CCDC17: variants seen among roughly 807,000 people sequenced by gnomAD.
CCDC17 encodes coiled-coil domain containing 17.
A neutral mutation model predicts 68.0 loss-of-function variants in CCDC17; 79 were observed. That is an observed-to-expected ratio of 1.16 (90% confidence interval 0.97 to 1.40). The LOEUF (loss-of-function observed/expected upper bound fraction) is 1.40, where lower values mean the gene tolerates loss of function less well. CCDC17 is among the 40% of genes most tolerant of loss of function. CCDC17 has a pLI of 0.00. For synonymous variants in CCDC17, 376 were observed against 337.5 expected, an observed-to-expected ratio of 1.11 and a Z score of -1.25; for missense variants, 846 against 811.5, an observed-to-expected ratio of 1.04 and a Z score of -0.52.
Position 45,622,328 on chromosome 1 carries a change from C to T in CCDC17, c.880G>A (p.Gly294Arg), listed in dbSNP as rs769445355. 11 of 1,608,372 alleles carry T rather than the reference C, an allele frequency of 6.8e-6. No individual in the cohort carries two copies. The highest frequency in any genetic ancestry group is 8.5e-6 in the Non-Finnish European group (10 of 1,178,262). The change falls in exon 7 of 13, where the codon GGG (glycine) becomes AGG (arginine). Residue 294 changes from glycine to arginine, a missense_variant. Transcript: ENST00000528266. ...TRRGRAGATSGELPVVEAENR... is the reference protein window; with the variant it reads ...TRRGRAGATSRELPVVEAENR... ...TCAGCCTCCACTACTGGAAGCTCCC[C>T]TGAGGTGGCACCTGCCCTTCCTGCG...
chr1:45,620,313 G>A lies in CCDC17; in HGVS notation c.1831C>T (p.Pro611Ser), dbSNP rs759876257. The A allele has an allele frequency of 6.2e-7, 1 of 1,609,230 alleles. No individual in the cohort carries two copies. Among genetic ancestry groups the A allele is most frequent in the Non-Finnish European group, 8.5e-7 (1 of 1,178,566 alleles). ...GGGGGCAAGTCAGAACTGTGGTGAG[G>A]GCCCAAACCCTCATCTCTATCCTTG... ...GVKDRDEGLG[P>S]HHSSDLPPVS... The change falls in exon 13 of 13, where the codon CCT becomes TCT. Residue 611 changes from proline to serine, a missense_variant. Pro to Ser is a moderately conservative substitution (Grantham distance 74). Coordinates refer to ENST00000528266, the MANE Select transcript of CCDC17 (RefSeq NM_001114938.3).
intron 7 of CCDC17, 56 bp downstream of exon 7, chr1:45,622,185 C>T: frequency 1.3e-6 from 2 of 1,514,288 alleles, no homozygotes; most frequent in Non-Finnish European, 1.8e-6. Flanking sequence ...TCTGCCTGAG[C>T]CAGGCCTGCT....
At chr1:45,622,387 G>C in intron 6 of CCDC17, 39 bp from the exon 7 acceptor site, 1 of 1,572,452 alleles carries the variant, frequency 6.4e-7, no homozygotes, top group Admixed American at 1.9e-5. Context: ...TTTGACCTCT[G>C]GTGACTGGCC....
chr1:45,621,384 C>T lies in CCDC17; in HGVS notation c.1285G>A (p.Gly429Arg). The T allele has an allele frequency of 1.9e-6, 3 of 1,594,902 alleles. No individual in the cohort carries two copies. Among genetic ancestry groups the T allele is most frequent in the Non-Finnish European group, 1.7e-6 (2 of 1,171,216 alleles). ...TGLARDGRDT[G>R]RTTALPPALC... ...GCTGGGGGCAACGCTGTGGTCCTTC[C>T]TGTATCCCGTCCATCGCGTGCCAAG... Residue 429 changes from glycine (G) to arginine (R), a missense_variant, in exon 10 of 13, where the codon GGA becomes AGA. Coordinates refer to ENST00000528266, the MANE Select transcript of CCDC17 (RefSeq NM_001114938.3).
rs955276327 is a variant in CCDC17, at chr1:45,623,880, G to T, written c.30C>A (p.Leu10=). MDSHSGEPA[L]LPCGTCDMVF... Reference sequence around the variant, plus strand: ...CCATGTCACAGGTCCCACAGGGCAGGAGCGCAGGCTCCCCAGAGTGGGAGT... The same window carrying T: ...CCATGTCACAGGTCCCACAGGGCAGTAGCGCAGGCTCCCCAGAGTGGGAGT... Residue 10 remains leucine, a synonymous_variant, in exon 1 of 13, where the codon CTC becomes CTA. Transcript: ENST00000528266. The T allele has an allele frequency of 6.5e-7, 1 of 1,539,626 alleles. No individual in the cohort carries two copies. The highest frequency in any genetic ancestry group is 2.0e-5 in the Admixed American group (1 of 48,792).
rs375531461 is a variant in CCDC17, at chr1:45,621,691, T to A, written c.1131A>T (p.Ser377=). The A allele has an allele frequency of 1.2e-6, 2 of 1,613,566 alleles. No homozygotes were observed. The highest frequency in any genetic ancestry group is 2.7e-5 in the African/African-American group (2 of 74,862). Residue 377 remains serine (S), a synonymous_variant, in exon 9 of 13, where the codon TCA becomes TCT. Transcript: ENST00000528266. ...TGTCCGATGTGGGCAGGAGGAAGTGTGAGTCCAGGCCCAGGTTTCTGGTCA... is the reference window on the plus strand; with the variant it reads ...TGTCCGATGTGGGCAGGAGGAAGTGAGAGTCCAGGCCCAGGTTTCTGGTCA... ...GTMTRNLGLD[S]HFLLPTSDML...
In CCDC17 at chr1:45,620,335, C is replaced by T. The variant is rs757263429; in HGVS notation, c.1809G>A (p.Lys603=). 1.2e-6 allele frequency: 2 copies of T among 1,609,060 alleles called. No individual in the cohort carries two copies. Among genetic ancestry groups the T allele is most frequent in the Non-Finnish European group, 1.7e-6 (2 of 1,178,324 alleles). ...GAGGGCCCAAACCCTCATCTCTATC[C>T]TTGACTCCACTGAGGGGCTCTTCTG... The part of the protein sequence containing the change: ...PRTEEPLSGV[K]DRDEGLGPHH... Residue 603 remains lysine, a synonymous_variant, in exon 13 of 13, where the codon AAG becomes AAA. Transcript: ENST00000528266.
rs1159686242 is a variant in CCDC17 at position 45,621,369 on chromosome 1, A to ACGCTGTGGTCCTTCCTGTAT, written c.1280_1299dup (p.Leu434IlefsTer56). 6.3e-7 allele frequency: 1 copy of ACGCTGTGGTCCTTCCTGTAT among 1,591,324 alleles called. No individual in the cohort carries two copies. The highest frequency in any genetic ancestry group is 8.6e-7 in the Non-Finnish European group (1 of 1,169,124). ...GGGGGCAGGCAAAGGGCTGGGGGCAACGCTGTGGTCCTTCCTGTATCCCGT... is the reference window on the plus strand; with the variant it reads ...GGGGGCAGGCAAAGGGCTGGGGGCAACGCTGTGGTCCTTCCTGTATCGCTGTGGTCCTTCCTGTATCCCGT... On this transcript the variant is annotated frameshift_variant, in exon 10 of 13. Transcript: ENST00000528266. LOFTEE classifies it high-confidence loss of function.
chr1:45,621,776 C>T (rs369312257), intron 8 of CCDC17, 41 bp from the exon 9 acceptor site: 433 of 1,608,452 alleles, frequency 2.7e-4, no homozygotes, highest in Non-Finnish European at 3.3e-4. Context: ...AGCCTTGTAG[C>T]TGCTCATGTT....
intron 10 of CCDC17, 62 bp downstream of exon 10, chr1:45,621,219 C>G (rs1644242904): frequency 2.6e-6 from 4 of 1,542,436 alleles, no homozygotes; most frequent in Non-Finnish European, 3.5e-6. Context: ...GAAAACTTAG[C>G]AGAATGGTGG....
Position 45,623,308 on chromosome 1 carries a change from G to A in CCDC17, c.402C>T (p.Pro134=). ...TGAACAGCGCCCGCAGCCGCTCGCT[G>A]GGGCTTCCCACCGCCTCGGACATGG... ...QSPMSEAVGS[P]SERLRALFRT... Residue 134 remains proline (P), a synonymous_variant, in exon 3 of 13, where the codon CCC becomes CCT. Transcript: ENST00000528266. 2 of 1,549,838 alleles carry A rather than the reference G, an allele frequency of 1.3e-6. No individual in the cohort carries two copies. Among genetic ancestry groups the A allele is most frequent in the African/African-American group, 1.4e-5 (1 of 73,164 alleles).
chr1:45,621,754 ACTC>A lies in CCDC17; in HGVS notation c.1087-22_1087-20del, dbSNP rs1325259967. 1 of 1,611,874 alleles carries A rather than the reference ACTC, an allele frequency of 6.2e-7. No homozygotes were observed. The highest frequency in any genetic ancestry group is 1.7e-5 in the Admixed American group (1 of 59,674). Reference sequence around the variant, plus strand: ...GCTGTGGCTGTGGGGAAGAGAGCTGACTCCTCCAGAAAGCCTTGTAGCTGCTCA... The same window carrying A: ...GCTGTGGCTGTGGGGAAGAGAGCTGACTCCAGAAAGCCTTGTAGCTGCTCA... On this transcript the variant is annotated intron_variant, in intron 8 of 12. Coordinates refer to ENST00000528266, the MANE Select transcript of CCDC17 (RefSeq NM_001114938.3).
rs1181051332 is a variant in CCDC17, at chr1:45,621,357, G to C, written c.1312C>G (p.Leu438Val). The change falls in exon 10 of 13, where the codon CTT becomes GTT. Residue 438 changes from leucine (L) to valine (V), a missense_variant. Leu to Val is a conservative substitution (Grantham distance 32, BLOSUM62 1). Coordinates refer to ENST00000528266, the MANE Select transcript of CCDC17 (RefSeq NM_001114938.3). ...TGRTTALPPA[L>V]CLPPPPAPGP... ...GGAGCAGGAGGTGGGGGCAGGCAAA[G>C]GGCTGGGGGCAACGCTGTGGTCCTT... The C allele has an allele frequency of 6.3e-7, 1 of 1,590,518 alleles. No individual in the cohort carries two copies. Among genetic ancestry groups the C allele is most frequent in the East Asian group, 2.3e-5 (1 of 43,812 alleles).
rs1181174823 is a variant in CCDC17, at chr1:45,620,164, GCTAGATGCTT to G, written c.*101_*110del. On this transcript the variant is annotated 3_prime_UTR_variant, in exon 13 of 13. Transcript: ENST00000528266. ...TGGAACTGGTTTTCTGTACTCAACT[GCTAGATGCTT>G]CTAGACCCAATGTCAGAACATGGAG... The G allele has an allele frequency of 7.9e-7, 1 of 1,262,778 alleles. No individual in the cohort carries two copies. The highest frequency in any genetic ancestry group is 1.5e-5 in the African/African-American group (1 of 64,886). The allele number at this position is 1,262,778 out of a possible 1,614,324, so 78.2% of individuals were successfully genotyped here.
Position 45,623,580 on chromosome 1 carries a change from C to A in CCDC17, c.247G>T (p.Ala83Ser). Reference protein sequence around the residue: ...GLPDQQASRSALKRLTEEVQW... With the variant: ...GLPDQQASRSSLKRLTEEVQW... ...ACCTCCTCTGTTAACCTCTTTAGAGCAGATCTACTGGCCTGCTGGTCTGGG... is the reference window on the plus strand; with the variant it reads ...ACCTCCTCTGTTAACCTCTTTAGAGAAGATCTACTGGCCTGCTGGTCTGGG... Residue 83 changes from alanine (A) to serine (S), a missense_variant, in exon 2 of 13, where the codon GCT (alanine) becomes TCT (serine). Coordinates refer to ENST00000528266, the MANE Select transcript of CCDC17 (RefSeq NM_001114938.3). 1.3e-6 allele frequency: 2 copies of A among 1,550,282 alleles called. No homozygotes were observed. The highest frequency in any genetic ancestry group is 1.7e-6 in the Non-Finnish European group (2 of 1,146,858).
At chr1:45,623,184 A>T in intron 3 of CCDC17, 33 bp downstream of exon 3, 1 of 1,540,436 alleles carries the variant, frequency 6.5e-7, no homozygotes, top group Non-Finnish European at 8.8e-7. Flanking sequence ...AGGGCAGAGG[A>T]GGTCCTTGGT....
In CCDC17 at chr1:45,621,424, C is replaced by G; in HGVS notation, c.1245G>C (p.Val415=). The G allele has an allele frequency of 6.3e-7, 1 of 1,598,058 alleles. No homozygotes were observed. The highest frequency in any genetic ancestry group is 1.1e-5 in the South Asian group (1 of 88,106). ...CGCGTGCCAAGCCAGTCCTTAGTTG[C>G]ACCCAAATCCAGGAAGCCTCAAGGC... is the stretch of plus-strand genomic sequence containing the variant. ...LRGLEASWIW[V]QLRTGLARDG... is the part of the protein sequence containing the mutation. The change falls in exon 10 of 13, where the codon GTG becomes GTC. Residue 415 remains valine (V), a synonymous_variant. Coordinates refer to ENST00000528266, the MANE Select transcript of CCDC17 (RefSeq NM_001114938.3).
Position 45,622,935 on chromosome 1 carries a change from T to C in CCDC17, c.656+20A>G, listed in dbSNP as rs1026315710. 6.3e-7 allele frequency: 1 copy of C among 1,590,912 alleles called. No homozygotes were observed. The highest frequency in any genetic ancestry group is 8.6e-7 in the Non-Finnish European group (1 of 1,167,908). On this transcript the variant is annotated intron_variant, in intron 4 of 12. Transcript: ENST00000528266. ...ACCCCGGAGCCGCATGTTCCGGGGA[T>C]CCGCTTAGTCGGGTCTCACCCTGGC...
At position 45,623,655 on chromosome 1, in the gene CCDC17, G is replaced by C; in HGVS notation, c.175-3C>G. The C allele has an allele frequency of 6.4e-7, 1 of 1,551,614 alleles. No homozygotes were observed. Among genetic ancestry groups the C allele is most frequent in the Non-Finnish European group, 8.7e-7 (1 of 1,146,980 alleles). On this transcript the variant is annotated splice_region_variant and splice_polypyrimidine_tract_variant and intron_variant, in intron 1 of 12. Coordinates refer to ENST00000528266, the MANE Select transcript of CCDC17 (RefSeq NM_001114938.3). ...CCCTGGTGTTCTTGTGGCACAACCT[G>C]GGGATAGGGTGTAGTAGGATGAGGA...
Sources: gnomAD v4.1 joint callset for allele counts on GRCh38, gnomAD v4.1.1 for gene constraint, MANE v1.5 for transcripts, NCBI Gene and HGNC (gene_info 2026-07-23, HGNC 2026-07-21) for gene names.